The following FBLN1 variants were observed in gnomAD, a reference collection of about 807,000 sequenced individuals.
The protein encoded by FBLN1 is fibulin 1, also known as fibulin-1.
A neutral mutation model predicts 89.7 loss-of-function variants in FBLN1; 34 were observed. The observed-to-expected ratio is 0.38, with a 90% CI of 0.29 to 0.50. The LOEUF (loss-of-function observed/expected upper bound fraction) is 0.50, where lower values mean the gene tolerates loss of function less well. Ranked by LOEUF, FBLN1 falls within the 20% of genes least tolerant of loss-of-function variation. The pLI is 0.92. For missense variants in FBLN1, 777 were observed against 988.1 expected (o/e 0.79, Z 2.86); for synonymous variants, 393 against 391.3 (o/e 1.00, Z -0.05).
chr22:45,572,639 T>C lies in FBLN1; in HGVS notation c.1698-1872T>C, dbSNP rs977755787. On this transcript the variant is annotated intron_variant, in intron 14 of 16. Coordinates refer to ENST00000327858, the MANE Select transcript of FBLN1 (RefSeq NM_006486.3). This position sits in a 1 kb window ranked among gnomAD's most constrained non-coding sequence, Gnocchi z 5.8. ...TGGTAGAACCAGACTATCGGCATTTTGCAATCCTTGATGAATCAGTGGGCG... is the reference window on the plus strand; with the variant it reads ...TGGTAGAACCAGACTATCGGCATTTCGCAATCCTTGATGAATCAGTGGGCG... Among the ~76,000 whole-genome samples the C allele has an allele frequency of 6.6e-6, 1 of 152,268 alleles. No homozygotes were observed. Among genetic ancestry groups the C allele is most frequent in the African/African-American group, 2.4e-5 (1 of 41,478 alleles).
intron 14 of FBLN1, among the ~76,000 whole-genome samples, chr22:45,573,846 G>C (rs1359956244): frequency 6.6e-6 from 1 of 152,114 alleles, no homozygotes; most frequent in Non-Finnish European, 1.5e-5. Flanking sequence ...AAAGGCGTTT[G>C]CCTTGTAATA....
chr22:45,532,925 T>C lies in FBLN1; in HGVS notation c.545-138T>C. On this transcript the variant is annotated intron_variant, in intron 5 of 16. Coordinates refer to ENST00000327858, the MANE Select transcript of FBLN1 (RefSeq NM_006486.3). The surrounding 1 kb of genome is among the most constrained non-coding windows in gnomAD (Gnocchi z 4.2). ...GGGGGTCTCCCAGTAGGGCAGCAGGTGGGCTCCAGCCAGGTCAGCCTGCCT... is the reference window on the plus strand; with the variant it reads ...GGGGGTCTCCCAGTAGGGCAGCAGGCGGGCTCCAGCCAGGTCAGCCTGCCT... 1 of 737,462 alleles carries C rather than the reference T, an allele frequency of 1.4e-6. No homozygotes were observed. The highest frequency in any genetic ancestry group is 2.3e-6 in the Non-Finnish European group (1 of 427,712). The allele number at this position is 737,462 out of a possible 1,614,324, so 45.7% of individuals were successfully genotyped here. A position where few individuals can be genotyped will look rare whatever the true frequency, so the allele number is the denominator to read the frequency against.
At chr22:45,570,471 T>A (rs1473625662) in intron 14 of FBLN1, among the ~76,000 whole-genome samples, 2 of 150,892 alleles carry the variant, frequency 1.3e-5, no homozygotes, top group African/African-American at 4.9e-5. Context: ...AAGTTAAAAA[T>A]TTCAGATGTA....
chr22:45,564,983 T>G (rs752570880), intron 14 of FBLN1: 3 of 1,613,874 alleles, frequency 1.9e-6, no homozygotes, highest in Non-Finnish European at 2.5e-6. Context: ...ATACCCACCT[T>G]GATGCCTAGT....
rs2088422111 is a variant in FBLN1 at position 45,532,533 on chromosome 22, A to C, written c.545-530A>C. The stretch of plus-strand genomic sequence containing the variant: ...TGATGAGATTTGCACTCTGAGCATC[A>C]CTCTGGCCACCCTGTAGGAAGAACA... On this transcript the variant is annotated intron_variant, in intron 5 of 16. Coordinates refer to ENST00000327858, the MANE Select transcript of FBLN1 (RefSeq NM_006486.3). The surrounding 1 kb of genome is among the most constrained non-coding windows in gnomAD (Gnocchi z 4.2). 6.6e-6 allele frequency among the ~76,000 whole-genome samples: 1 copy of C among 151,982 alleles called. No individual in the cohort carries two copies. The highest frequency in any genetic ancestry group is 6.5e-5 in the Admixed American group (1 of 15,268).
chr22:45,586,341 G>A (rs1191443552), intron 16 of FBLN1, among the ~76,000 whole-genome samples: 3 of 152,240 alleles, frequency 2.0e-5, no homozygotes, highest in African/African-American at 4.8e-5. Context: ...AGACAGCATG[G>A]TGGGGAGAGG....
intron 14 of FBLN1, among the ~76,000 whole-genome samples, chr22:45,571,781 C>T (rs1279433889): frequency 2.0e-5 from 3 of 152,184 alleles, no homozygotes; most frequent in Non-Finnish European, 4.4e-5. Context: ...GACCAACCCC[C>T]TAGCACTGAG....
chr22:45,600,351 G>T lies in FBLN1; in HGVS notation c.2017G>T (p.Val673Phe). ...VRPIVGPFHA[V>F]LKLEMNYVVG... ...GCCCATCGTGGGCCCATTTCATGCC[G>T]TCCTGAAGCTGGAGATGAACTATGT... The change falls in exon 17 of 17, where the codon GTC becomes TTC. Residue 673 changes from valine (V) to phenylalanine (F), a missense_variant. Coordinates refer to ENST00000327858, the MANE Select transcript of FBLN1 (RefSeq NM_006486.3). The T allele has an allele frequency of 6.2e-7, 1 of 1,614,166 alleles. No homozygotes were observed. Among genetic ancestry groups the T allele is most frequent in the South Asian group, 1.1e-5 (1 of 91,080 alleles).
In FBLN1 at chr22:45,583,841, C is replaced by G. The variant is rs1436962402; in HGVS notation, c.1972+6733C>G. 6.6e-6 allele frequency among the ~76,000 whole-genome samples: 1 copy of G among 152,100 alleles called. No homozygotes were observed. The highest frequency in any genetic ancestry group is 2.4e-5 in the African/African-American group (1 of 41,402). ...CAGAGAGAGACCTGTGGGACCAAAG[C>G]CTTTACTGGGGTCCAGGGTGTTATC... On this transcript the variant is annotated intron_variant, in intron 16 of 16. Coordinates refer to ENST00000327858, the MANE Select transcript of FBLN1 (RefSeq NM_006486.3). The surrounding 1 kb of genome is among the most constrained non-coding windows in gnomAD (Gnocchi z 4.5).
intron 1 of FBLN1, among the ~76,000 whole-genome samples, chr22:45,516,020 T>C (rs894014006): frequency 2.0e-5 from 3 of 151,982 alleles, no homozygotes; most frequent in African/African-American, 7.3e-5. Flanking sequence ...GCTATGAGGG[T>C]AAGGCAGGCA....
chr22:45,524,373 C>T (rs2088291912), intron 2 of FBLN1, among the ~76,000 whole-genome samples: 1 of 152,226 alleles, frequency 6.6e-6, no homozygotes, highest in Non-Finnish European at 1.5e-5. Flanking sequence ...TTGGAGCCCG[C>T]CCACGCCAGC....
chr22:45,564,723 G>A (rs1208634915), intron 14 of FBLN1, among the ~76,000 whole-genome samples: 1 of 152,228 alleles, frequency 6.6e-6, no homozygotes, highest in African/African-American at 2.4e-5. Flanking sequence ...GCAGGGACCA[G>A]GTCTATCTCA....
In FBLN1 at chr22:45,536,663, G is replaced by T. The variant is rs962415427; in HGVS notation, c.922+1326G>T. ...GCCTGTAATCCCAGCTGCTTAGGAG[G>T]CTGAGGCAGCAGAATCGCTTGAGCC... On this transcript the variant is annotated intron_variant, in intron 8 of 16. Coordinates refer to ENST00000327858, the MANE Select transcript of FBLN1 (RefSeq NM_006486.3). The surrounding 1 kb of genome is among the most constrained non-coding windows in gnomAD (Gnocchi z 5.1). 6.6e-6 allele frequency among the ~76,000 whole-genome samples: 1 copy of T among 152,086 alleles called. No individual in the cohort carries two copies. The highest frequency in any genetic ancestry group is 1.5e-5 in the Non-Finnish European group (1 of 68,022).
intron 14 of FBLN1, among the ~76,000 whole-genome samples, chr22:45,573,801 G>C (rs1488362536): frequency 2.0e-5 from 3 of 152,122 alleles, no homozygotes; most frequent in African/African-American, 4.8e-5. Context: ...TTGGTGGCTG[G>C]CCAAGTTCTC....
At position 45,562,863 on chromosome 22, in the gene FBLN1, T is replaced by C; in HGVS notation, c.1698-11648T>C. The C allele has an allele frequency of 1.3e-6, 2 of 1,580,246 alleles. No individual in the cohort carries two copies. Among genetic ancestry groups the C allele is most frequent in the Non-Finnish European group, 1.7e-6 (2 of 1,155,158 alleles). On this transcript the variant is annotated intron_variant, in intron 14 of 16. Transcript: ENST00000327858. The surrounding 1 kb of genome is among the most constrained non-coding windows in gnomAD (Gnocchi z 7.8). ...CGCGCTCTGCCGTTTCTCCGCTTGCTGGACCGGCCCTAACCCTCTTCTTGT... is the reference window on the plus strand; with the variant it reads ...CGCGCTCTGCCGTTTCTCCGCTTGCCGGACCGGCCCTAACCCTCTTCTTGT...
intron 8 of FBLN1, among the ~76,000 whole-genome samples, chr22:45,538,639 C>T (rs1163098263): frequency 2.6e-5 from 4 of 152,212 alleles, no homozygotes; most frequent in Admixed American, 1.3e-4. Context: ...TTCAGGCCGT[C>T]TGGGAGAGGG....
intron 1 of FBLN1, among the ~76,000 whole-genome samples, chr22:45,518,238 C>T (rs543509817): frequency 6.6e-6 from 1 of 152,100 alleles, no homozygotes; most frequent in South Asian, 2.1e-4. Flanking sequence ...TGGAAAGAGT[C>T]ATGTCGGCTG....
intron 16 of FBLN1, among the ~76,000 whole-genome samples, chr22:45,591,195 CGT>C (rs1390444122): frequency 6.6e-6 from 1 of 152,130 alleles, no homozygotes; most frequent in Non-Finnish European, 1.5e-5. Context: ...GCTTGCTGGC[CGT>C]GTGATTGTCA....
chr22:45,518,669 C>T lies in FBLN1; in HGVS notation c.80-13C>T, dbSNP rs1426355632. Reference sequence around the variant, plus strand: ...GGTGAGCCACCTCTCAGCTTGTTCTCTTCCCTGCACAGTGGACGCGGATGT... The same window carrying T: ...GGTGAGCCACCTCTCAGCTTGTTCTTTTCCCTGCACAGTGGACGCGGATGT... On this transcript the variant is annotated splice_polypyrimidine_tract_variant and intron_variant, in intron 1 of 16. Coordinates refer to ENST00000327858, the MANE Select transcript of FBLN1 (RefSeq NM_006486.3). The T allele has an allele frequency of 6.3e-7, 1 of 1,586,858 alleles. No individual in the cohort carries two copies. Among genetic ancestry groups the T allele is most frequent in the Non-Finnish European group, 8.6e-7 (1 of 1,166,256 alleles).
Sources: allele counts gnomAD v4.1 joint callset (sites outside exome capture counted in the v4.1 genomes callset), GRCh38; gene constraint gnomAD v4.1.1; non-coding constraint Gnocchi (gnomAD v3.1); transcripts MANE v1.5; gene names NCBI Gene and HGNC (gene_info 2026-07-23, HGNC 2026-07-21).